The following TUSC3 variants were observed in gnomAD, a reference collection of about 807,000 sequenced individuals.
TUSC3 encodes the protein tumor suppressor candidate 3.
Under a neutral mutation model 44.8 loss-of-function variants are expected in TUSC3, and 45 were observed. The ratio of observed to expected loss-of-function variants is 1.00; its 90% CI spans 0.79 to 1.29. The LOEUF (loss-of-function observed/expected upper bound fraction) is 1.29. Among genes scored for constraint, TUSC3 ranks in the 50% most tolerant of loss-of-function variants. The probability of loss-of-function intolerance (pLI) is 0.00; values close to 1 mark genes in which losing one functional copy is unlikely to be tolerated. For missense variants in TUSC3, 519 were observed against 437.9 expected, an observed-to-expected ratio of 1.19 and a Z score of -1.65; for synonymous variants, 212 against 152.9, an observed-to-expected ratio of 1.39 and a Z score of -2.85.
chr8:15,451,926 T>C (rs1198226071), intron 1 of TUSC3, among the ~76,000 whole-genome samples: 1 of 152,060 alleles, frequency 6.6e-6, no homozygotes, highest in Non-Finnish European at 1.5e-5. Context: ...GAAAAACAGT[T>C]TTTTTGCTAT....
chr8:15,586,080 A>G (rs1803589608), intron 1 of TUSC3, among the ~76,000 whole-genome samples: 2 of 149,590 alleles, frequency 1.3e-5, no homozygotes, highest in South Asian at 4.3e-4. Flanking sequence ...CAGGAAAAAT[A>G]TTTTAAAGAT....
the TUSC3 span, among the ~76,000 whole-genome samples, chr8:15,828,135 C>G: frequency 6.6e-6 from 1 of 151,932 alleles, no homozygotes; most frequent in African/African-American, 2.4e-5. Context: ...GCTGGGATTA[C>G]AGGCATGCAC....
intron 1 of TUSC3, among the ~76,000 whole-genome samples, chr8:15,450,110 G>A (rs1800174306): frequency 3.3e-5 from 5 of 152,092 alleles, no homozygotes; most frequent in Admixed American, 3.3e-4. Context: ...CATGACGACT[G>A]TATGTTTATC....
intron 2 of TUSC3, among the ~76,000 whole-genome samples, chr8:15,507,384 C>G (rs1361036665): frequency 6.6e-6 from 1 of 152,116 alleles, no homozygotes; most frequent in Non-Finnish European, 1.5e-5. Context: ...ATAGTTCATG[C>G]CTTATCAAAA....
chr8:15,606,957 A>C (rs1219964846), intron 1 of TUSC3, among the ~76,000 whole-genome samples: 1 of 151,996 alleles, frequency 6.6e-6, no homozygotes, highest in Non-Finnish European at 1.5e-5. Context: ...GTGTATATAT[A>C]TACTTATAAA....
chr8:15,734,416 T>C (rs1280499349), intron 7 of TUSC3, among the ~76,000 whole-genome samples: 2 of 152,126 alleles, frequency 1.3e-5, no homozygotes, highest in Non-Finnish European at 2.9e-5. Flanking sequence ...AAGAAAACAA[T>C]CCTAAGTAGT....
At chr8:15,677,506 T>A (rs1182076637) in intron 6 of TUSC3, among the ~76,000 whole-genome samples, 1 of 152,230 alleles carries the variant, frequency 6.6e-6, no homozygotes, top group Non-Finnish European at 1.5e-5. Flanking sequence ...TTACCAGGTC[T>A]GTCTTTTTTG....
At chr8:15,733,357 T>TTTTTG (rs1810801026) in intron 7 of TUSC3, 1 of 391,206 alleles carries the variant, frequency 2.6e-6, no homozygotes, top group Admixed American at 3.5e-5. Flanking sequence ...TTTTGTTTTT[T>TTTTTG]TTTTTTTCCT....
chr8:15,556,008 A>T (rs950759035), intron 1 of TUSC3, among the ~76,000 whole-genome samples: 8 of 148,380 alleles, frequency 5.4e-5, no homozygotes, highest in South Asian at 2.1e-4. Context: ...TTTATTTTTT[A>T]TTTTTTTTTT....
chr8:15,596,019 A>G (rs1804051348), intron 1 of TUSC3, among the ~76,000 whole-genome samples: 1 of 152,212 alleles, frequency 6.6e-6, no homozygotes, highest in Non-Finnish European at 1.5e-5. Flanking sequence ...AATAGGTCCA[A>G]GGTTATAGCC....
intron 4 of TUSC3, among the ~76,000 whole-genome samples, chr8:15,660,936 T>C (rs1415271622): frequency 6.7e-6 from 1 of 150,144 alleles, no homozygotes; most frequent in East Asian, 1.9e-4. Context: ...TAAAACTATA[T>C]GTGGAAACAA....
chr8:15,491,876 T>C (rs1055403583), intron 2 of TUSC3, among the ~76,000 whole-genome samples: 12 of 152,210 alleles, frequency 7.9e-5, no homozygotes, highest in African/African-American at 2.9e-4. Context: ...TCCTAAGTAG[T>C]TTTTAATGCA....
chr8:15,541,470 G>A (rs977040547), intron 1 of TUSC3, among the ~76,000 whole-genome samples: 2 of 152,168 alleles, frequency 1.3e-5, no homozygotes, highest in African/African-American at 4.8e-5. Flanking sequence ...CACCTACACA[G>A]GGCTCAAAAT....
intron 5 of TUSC3, among the ~76,000 whole-genome samples, chr8:15,666,743 A>T (rs528932000): frequency 6.6e-6 from 1 of 151,536 alleles, no homozygotes; most frequent in East Asian, 1.9e-4. Context: ...TTTTTCAATG[A>T]AATAATGTTG....
intron 2 of TUSC3, among the ~76,000 whole-genome samples, chr8:15,512,078 C>G (rs1316122886): frequency 6.6e-6 from 1 of 152,062 alleles, no homozygotes; most frequent in African/African-American, 2.4e-5. Flanking sequence ...AAAAGAGGAA[C>G]AATGTTGGAA....
upstream of TUSC3, among the ~76,000 whole-genome samples, chr8:15,539,942 A>C (rs1801616991): frequency 6.6e-6 from 1 of 152,084 alleles, no homozygotes; most frequent in Non-Finnish European, 1.5e-5. Flanking sequence ...ATGGGAATAG[A>C]GATTGCTGGG....
intron 2 of TUSC3, among the ~76,000 whole-genome samples, chr8:15,533,185 G>T (rs1413390545): frequency 6.6e-6 from 1 of 152,126 alleles, no homozygotes; most frequent in Non-Finnish European, 1.5e-5. Flanking sequence ...TCCTCCTTCT[G>T]CCATAATTGT....
intron 6 of TUSC3, among the ~76,000 whole-genome samples, chr8:15,724,505 A>G (rs918705403): frequency 6.6e-6 from 1 of 152,190 alleles, no homozygotes; most frequent in African/African-American, 2.4e-5. Flanking sequence ...AAGTGTTGTC[A>G]AGGAAAATAC....
intron 2 of TUSC3, among the ~76,000 whole-genome samples, chr8:15,483,759 C>T (rs1262008874): frequency 1.4e-5 from 2 of 147,232 alleles, no homozygotes; most frequent in Admixed American, 1.4e-4. Flanking sequence ...GAGTTCATGC[C>T]ATTCTCCTGC....
Sources: allele counts gnomAD v4.1 joint callset (sites outside exome capture counted in the v4.1 genomes callset), GRCh38; gene constraint gnomAD v4.1.1; transcripts MANE v1.5; gene names NCBI Gene and HGNC (gene_info 2026-07-23, HGNC 2026-07-21).